The following ASCC3 variants were observed in gnomAD, a reference collection of about 807,000 sequenced individuals.
ASCC3 encodes the protein ASC-1 complex subunit P200.
In ASCC3, 158 loss-of-function variants were observed where a neutral mutation model predicts 256.3. The ratio of observed to expected loss-of-function variants is 0.62; its 90% CI spans 0.54 to 0.70. The LOEUF is 0.70. Among genes scored for constraint, ASCC3 ranks in the 30% least tolerant of loss-of-function variants. The pLI, the probability that ASCC3 is intolerant of heterozygous loss-of-function variation, is 0.00. For missense variants in ASCC3, 2,259 were observed against 2,626.0 expected, an observed-to-expected ratio of 0.86 and a Z score of 3.05; for synonymous variants, 948 against 883.4, an observed-to-expected ratio of 1.07 and a Z score of -1.30.
At chr6:100,511,650 T>C (rs778931412) in intron 40 of ASCC3, among the ~76,000 whole-genome samples, 3 of 152,086 alleles carry the variant, frequency 2.0e-5, no homozygotes, top group African/African-American at 4.8e-5. Context: ...GGAGAAATGC[T>C]TGAACCCAGG....
At chr6:100,806,596 T>C (rs749971683) in intron 4 of ASCC3, among the ~76,000 whole-genome samples, 12 of 151,936 alleles carry the variant, frequency 7.9e-5, no homozygotes, top group Non-Finnish European at 1.6e-4. Flanking sequence ...ATTTCTTGTT[T>C]AGAAATATAA....
At chr6:100,678,830 A>T (rs556237350) in intron 14 of ASCC3, among the ~76,000 whole-genome samples, 20 of 152,310 alleles carry the variant, frequency 1.3e-4, no homozygotes, top group African/African-American at 4.6e-4. Context: ...AAGTCACACA[A>T]TAAAGAAACT....
intron 16 of ASCC3, among the ~76,000 whole-genome samples, chr6:100,660,978 G>A (rs981489618): frequency 6.6e-6 from 1 of 151,604 alleles, no homozygotes; most frequent in Non-Finnish European, 1.5e-5. Flanking sequence ...AATATGAATG[G>A]AATGTTAAAT....
rs748353438 is a variant in ASCC3 at position 100,512,807 on chromosome 6, C to G, written c.6187G>C (p.Ala2063Pro). Residue 2063 changes from alanine to proline, a missense_variant, in exon 40 of 42, where the codon GCA becomes CCA. Ala to Pro is a conservative substitution (Grantham distance 27). This residue lies in a region of ASCC3 where 1,839 missense variants were observed against 2,206.7 expected (regional missense o/e 0.83). Coordinates refer to ENST00000369162, the MANE Select transcript of ASCC3 (RefSeq NM_006828.4). ...CATTTGTTGTCATCTCGTTTGTCTGCAGTCAGAGTTGAGACAGAGAGTTCA... is the reference window on the plus strand; with the variant it reads ...CATTTGTTGTCATCTCGTTTGTCTGGAGTCAGAGTTGAGACAGAGAGTTCA... ...HNELSVSTLT[A>P]DKRDDNKWIK... 6.8e-6 allele frequency: 11 copies of G among 1,614,114 alleles called. No homozygotes were observed. The South Asian group carries it at 1.1e-4, about 16-fold the overall frequency.
intron 4 of ASCC3, among the ~76,000 whole-genome samples, chr6:100,814,399 T>C (rs1380512816): frequency 6.6e-6 from 1 of 152,250 alleles, no homozygotes; most frequent in Non-Finnish European, 1.5e-5. Flanking sequence ...TGAAGTTTTC[T>C]TTTTTGTTGT....
At chr6:100,595,731 G>A (rs780674304) in intron 34 of ASCC3, among the ~76,000 whole-genome samples, 3 of 152,130 alleles carry the variant, frequency 2.0e-5, no homozygotes, top group African/African-American at 7.2e-5. Flanking sequence ...GGAGCAAGTT[G>A]CTTATTCTCC....
chr6:100,524,348 T>C (rs537229849), intron 37 of ASCC3, among the ~76,000 whole-genome samples: 4 of 152,290 alleles, frequency 2.6e-5, no homozygotes, highest in Admixed American at 2.0e-4. Flanking sequence ...AAATCTAAAA[T>C]TTTAAAATTA....
chr6:100,636,919 A>G (rs1774873812), intron 25 of ASCC3, among the ~76,000 whole-genome samples: 1 of 152,188 alleles, frequency 6.6e-6, no homozygotes, highest in Non-Finnish European at 1.5e-5. Flanking sequence ...CATGGTTTAA[A>G]GAATTCACCT....
At chr6:100,647,202 C>T in intron 21 of ASCC3, 24 bp downstream of exon 21, 1 of 1,562,388 alleles carries the variant, frequency 6.4e-7, no homozygotes, top group Non-Finnish European at 8.8e-7. Flanking sequence ...ACAATACATT[C>T]AAACATATTT....
rs1313708564 is a variant in ASCC3 at position 100,642,725 on chromosome 6, G to C, written c.3757C>G (p.Leu1253Val). 3 of 1,613,652 alleles carry C rather than the reference G, an allele frequency of 1.9e-6. No homozygotes were observed. The highest frequency in any genetic ancestry group is 1.7e-6 in the Non-Finnish European group (2 of 1,179,648). ...KQVISKEAQL[L>V]VFTIPIFEPL... ...TCAAAAATAGGGATTGTAAATACCA[G>C]TAGTTGGGCTTCTTTACTAATGACC... Residue 1253 changes from leucine to valine, a missense_variant, in exon 24 of 42, where the codon CTG becomes GTG. Coordinates refer to ENST00000369162, the MANE Select transcript of ASCC3 (RefSeq NM_006828.4).
chr6:100,851,526 A>G (rs1772667707), intron 3 of ASCC3, among the ~76,000 whole-genome samples: 2 of 152,254 alleles, frequency 1.3e-5, no homozygotes, highest in Non-Finnish European at 2.9e-5. Context: ...GTAGACTCAC[A>G]GAAACATCAA....
At chr6:100,723,558 A>T (rs774137975) in intron 11 of ASCC3, among the ~76,000 whole-genome samples, 11 of 151,542 alleles carry the variant, frequency 7.3e-5, no homozygotes, top group Non-Finnish European at 1.0e-4. Flanking sequence ...ACATTATGTC[A>T]CTTATTGTAC....
At chr6:100,727,792 G>A (rs143021305) in intron 10 of ASCC3, among the ~76,000 whole-genome samples, 1 of 152,160 alleles carries the variant, frequency 6.6e-6, no homozygotes, top group Non-Finnish European at 1.5e-5. Flanking sequence ...AACTGAGCCA[G>A]AATGAAGAGA....
chr6:100,595,406 T>C (rs1582521831), intron 34 of ASCC3, among the ~76,000 whole-genome samples: 1 of 152,118 alleles, frequency 6.6e-6, no homozygotes, highest in Non-Finnish European at 1.5e-5. Flanking sequence ...AAAGAGTCAA[T>C]TAAAAAAGAA....
intron 2 of ASCC3, among the ~76,000 whole-genome samples, chr6:100,866,207 T>C (rs1773471196): frequency 6.6e-6 from 1 of 152,128 alleles, no homozygotes; most frequent in South Asian, 2.1e-4. Context: ...TGACCTCAAG[T>C]GATCCACCCG....
intron 25 of ASCC3, among the ~76,000 whole-genome samples, chr6:100,638,056 C>A (rs923305630): frequency 6.6e-6 from 1 of 152,086 alleles, no homozygotes; most frequent in Admixed American, 6.6e-5. Flanking sequence ...GGCGGCATCA[C>A]ATGCTACAGA....
At chr6:100,560,613 C>T (rs1342356279) in intron 36 of ASCC3, among the ~76,000 whole-genome samples, 1 of 152,046 alleles carries the variant, frequency 6.6e-6, no homozygotes, top group Non-Finnish European at 1.5e-5. Context: ...AACCTGGCAA[C>T]GTGGCAACTG....
intron 4 of ASCC3, among the ~76,000 whole-genome samples, chr6:100,839,969 T>C (rs1253694651): frequency 4.6e-5 from 7 of 152,204 alleles, no homozygotes; most frequent in Admixed American, 4.6e-4. Context: ...AGCAGATAAA[T>C]TACTTCAACT....
chr6:100,653,804 A>G (rs1228631427), intron 17 of ASCC3, among the ~76,000 whole-genome samples: 1 of 152,102 alleles, frequency 6.6e-6, no homozygotes, highest in Non-Finnish European at 1.5e-5. Context: ...AAAACATAAG[A>G]TATTAACAAA....
Sources: gnomAD v4.1 joint callset for allele counts (sites outside exome capture counted in the v4.1 genomes callset) on GRCh38, gnomAD v4.1.1 for gene constraint, gnomAD v4.1.1 regional missense constraint, MANE v1.5 for transcripts, NCBI Gene and HGNC (gene_info 2026-07-23, HGNC 2026-07-21) for gene names.